NRG1: variants seen among roughly 807,000 people sequenced by gnomAD.
NRG1 encodes the protein pro-neuregulin-1, membrane-bound isoform.
A neutral mutation model predicts 63.8 loss-of-function variants in NRG1; 18 were observed. The ratio of observed to expected loss-of-function variants is 0.28; its 90% CI spans 0.19 to 0.42. The LOEUF is 0.42. Ranked by LOEUF, NRG1 falls within the 10% of genes least tolerant of loss-of-function variation. The pLI is 1.00. For synonymous variants in NRG1, 302 were observed against 301.3 expected, an observed-to-expected ratio of 1.00 and a Z score of -0.02; for missense variants, 762 against 814.7, an observed-to-expected ratio of 0.94 and a Z score of 0.79.
At chr8:31,927,124 A>G (rs1834420660) in intron 1 of NRG1, among the ~76,000 whole-genome samples, 1 of 152,174 alleles carries the variant, frequency 6.6e-6, no homozygotes, top group African/African-American at 2.4e-5. Flanking sequence ...AGGTAGGGAC[A>G]ATTATTATCC....
chr8:32,185,634 G>C (rs932141611), intron 1 of NRG1, among the ~76,000 whole-genome samples: 1 of 152,184 alleles, frequency 6.6e-6, no homozygotes, highest in African/African-American at 2.4e-5. Flanking sequence ...TAGAATAATA[G>C]AGAGTGAAGC....
chr8:31,947,026 C>T (rs1180434481), intron 1 of NRG1, among the ~76,000 whole-genome samples: 14 of 152,238 alleles, frequency 9.2e-5, no homozygotes, highest in African/African-American at 3.4e-4. Flanking sequence ...TATGGCCGGG[C>T]GCGGTGGCTC....
chr8:31,755,392 C>T (rs1462197970), intron 1 of NRG1, among the ~76,000 whole-genome samples: 1 of 151,558 alleles, frequency 6.6e-6, no homozygotes, highest in Non-Finnish European at 1.5e-5. Context: ...GCCCAAGGTG[C>T]TTGGGAATGC....
At chr8:31,667,255 TC>T (rs1806645153) in intron 1 of NRG1, among the ~76,000 whole-genome samples, 1 of 152,186 alleles carries the variant, frequency 6.6e-6, no homozygotes, top group South Asian at 2.1e-4. Context: ...AAGATCCCAT[TC>T]CTACATTAGG....
intron 1 of NRG1, among the ~76,000 whole-genome samples, chr8:31,851,703 A>G (rs1236819811): frequency 6.6e-6 from 1 of 151,024 alleles, no homozygotes; most frequent in African/African-American, 2.4e-5. Context: ...GGTGCGCTGC[A>G]CCCACTAACT....
At chr8:32,259,086 A>T (rs983989326) in intron 1 of NRG1, among the ~76,000 whole-genome samples, 1 of 152,200 alleles carries the variant, frequency 6.6e-6, no homozygotes, top group Non-Finnish European at 1.5e-5. Context: ...TCTCTCATGA[A>T]TCCGAATCCC....
intron 1 of NRG1, among the ~76,000 whole-genome samples, chr8:31,880,055 G>A (rs1705438909): frequency 6.6e-6 from 1 of 152,122 alleles, no homozygotes. Context: ...AGGTTGCAGA[G>A]AAAAGAGAAC....
chr8:32,753,346 A>T (rs1357248313), intron 7 of NRG1, among the ~76,000 whole-genome samples: 2 of 152,186 alleles, frequency 1.3e-5, no homozygotes, highest in African/African-American at 4.8e-5. Flanking sequence ...AGTATAATCA[A>T]CTTATCCCCC....
chr8:32,394,374 C>T (rs1159038406), intron 1 of NRG1, among the ~76,000 whole-genome samples: 1 of 152,196 alleles, frequency 6.6e-6, no homozygotes, highest in Non-Finnish European at 1.5e-5. Context: ...GCTCTGTCTA[C>T]CACTTTGTAT....
At chr8:32,537,842 G>T (rs1419038549) in intron 1 of NRG1, among the ~76,000 whole-genome samples, 1 of 151,990 alleles carries the variant, frequency 6.6e-6, no homozygotes, top group Non-Finnish European at 1.5e-5. Flanking sequence ...TCAGGTTTTG[G>T]TTACTCTTGT....
At chr8:31,767,204 T>C (rs547511688) in intron 1 of NRG1, among the ~76,000 whole-genome samples, 12 of 152,286 alleles carry the variant, frequency 7.9e-5, no homozygotes, top group African/African-American at 2.9e-4. Context: ...GGCTGTGCCT[T>C]GGCTGATTTT....
chr8:32,256,877 G>C (rs1849780265), intron 1 of NRG1, among the ~76,000 whole-genome samples: 1 of 152,144 alleles, frequency 6.6e-6, no homozygotes, highest in Admixed American at 6.5e-5. Flanking sequence ...TGCTGAAGCT[G>C]CACCCCCAGC....
intron 1 of NRG1, among the ~76,000 whole-genome samples, chr8:32,257,036 G>A (rs1849802497): frequency 6.6e-6 from 1 of 152,208 alleles, no homozygotes; most frequent in Admixed American, 6.5e-5. Context: ...TTGCTGAGCT[G>A]TGGTAGGCTC....
At chr8:32,344,384 C>CTTTCTTCCTCTTTCTTTCTT in intron 1 of NRG1, among the ~76,000 whole-genome samples, 1 of 69,488 alleles carries the variant, frequency 1.4e-5, no homozygotes, top group Non-Finnish European at 2.7e-5. Context: ...CTTTCTTTCT[C>CTTTCTTCCTCTTTCTTTCTT]TTTCTTTCTT....
chr8:31,846,514 A>G (rs1490936968), intron 1 of NRG1, among the ~76,000 whole-genome samples: 5 of 152,222 alleles, frequency 3.3e-5, no homozygotes, highest in African/African-American at 4.8e-5. Context: ...TTTAAGGACT[A>G]ATGTGTGCAA....
intron 1 of NRG1, among the ~76,000 whole-genome samples, chr8:32,252,247 GT>G (rs1849198619): frequency 6.6e-6 from 1 of 152,108 alleles, no homozygotes; most frequent in Non-Finnish European, 1.5e-5. Flanking sequence ...TGCTTTTGGT[GT>G]TTTAATCATG....
intron 1 of NRG1, among the ~76,000 whole-genome samples, chr8:31,816,705 A>G (rs111913144): frequency 0.027 from 4,128 of 152,252 alleles, 188 homozygotes; most frequent in African/African-American, 0.093. Flanking sequence ...CAGAATCAGG[A>G]CTGGAATTTA....
At chr8:32,215,660 C>A (rs1444057755) in intron 1 of NRG1, among the ~76,000 whole-genome samples, 2 of 152,138 alleles carry the variant, frequency 1.3e-5, no homozygotes, top group African/African-American at 4.8e-5. Flanking sequence ...TCATTATATG[C>A]ATTAGCTCAT....
intron 1 of NRG1, among the ~76,000 whole-genome samples, chr8:31,720,105 T>G (rs1385007854): frequency 6.6e-6 from 1 of 152,152 alleles, no homozygotes; most frequent in Non-Finnish European, 1.5e-5. Flanking sequence ...CTTCTGGATT[T>G]TAATTTAACG....
Sources: gnomAD v4.1 joint callset for allele counts (sites outside exome capture counted in the v4.1 genomes callset) on GRCh38, gnomAD v4.1.1 for gene constraint, MANE v1.5 for transcripts, NCBI Gene and HGNC (gene_info 2026-07-23, HGNC 2026-07-21) for gene names.